CRISPLD1: variants seen among roughly 807,000 people sequenced by gnomAD.
The protein encoded by CRISPLD1 is cysteine-rich secretory protein LCCL domain-containing 1.
A neutral mutation model predicts 77.5 loss-of-function variants in CRISPLD1; 60 were observed. That is an observed-to-expected ratio of 0.77 (90% CI 0.63 to 0.96). The LOEUF (loss-of-function observed/expected upper bound fraction) is 0.96, where lower values mean the gene tolerates loss of function less well. Ranked by LOEUF, CRISPLD1 falls within the 40% of genes least tolerant of loss-of-function variation. The probability of loss-of-function intolerance (pLI) is 0.00; values close to 1 mark genes in which losing one functional copy is unlikely to be tolerated. For synonymous variants in CRISPLD1, 195 were observed against 200.1 expected, an observed-to-expected ratio of 0.97 and a Z score of 0.22; for missense variants, 623 against 615.8, an observed-to-expected ratio of 1.01 and a Z score of -0.12.
intron 10 of CRISPLD1, among the ~76,000 whole-genome samples, chr8:75,018,414 C>T (rs116844216): frequency 0.013 from 2,025 of 152,206 alleles, 19 homozygotes; most frequent in Middle Eastern, 0.027. Flanking sequence ...GCTTCAGTCT[C>T]CCAAGTAGCT....
At chr8:75,011,961 G>A (rs889451616) in intron 2 of CRISPLD1, among the ~76,000 whole-genome samples, 1 of 152,094 alleles carries the variant, frequency 6.6e-6, no homozygotes, top group Non-Finnish European at 1.5e-5. Context: ...GAATTGATAC[G>A]ATGTCACAGA....
intron 2 of CRISPLD1, chr8:75,000,334 T>C: frequency 1.0e-6 from 1 of 985,328 alleles, no homozygotes; most frequent in South Asian, 4.7e-5. Context: ...TGAAGGAAGA[T>C]GGAATAAGAA....
At chr8:75,016,473 G>GT (rs2019533642) in intron 6 of CRISPLD1, 92 bp from the exon 7 acceptor site, 5 of 1,250,616 alleles carry the variant, frequency 4.0e-6, no homozygotes, top group Middle Eastern at 2.3e-4. Context: ...AGTTCTAAAT[G>GT]TTAAATAGGA....
At position 75,016,709 on chromosome 8, in the gene CRISPLD1, A is replaced by G. The variant is rs779145032; in HGVS notation, c.868+4A>G. On this transcript the variant is annotated splice_donor_region_variant and intron_variant, in intron 7 of 14. Coordinates refer to ENST00000262207, the MANE Select transcript of CRISPLD1 (RefSeq NM_031461.6). ...GTCATAAGCGCACAGCAAATGTGTA[A>G]GACCTCCATATTACTTATAAAAATT... 57 of 1,609,484 alleles carry G rather than the reference A, an allele frequency of 3.5e-5. No individual in the cohort carries two copies. The highest frequency in any genetic ancestry group is 4.4e-5 in the Non-Finnish European group (52 of 1,178,030).
intron 14 of CRISPLD1, among the ~76,000 whole-genome samples, chr8:75,030,744 G>C (rs1192739525): frequency 7.4e-6 from 1 of 134,230 alleles, no homozygotes; most frequent in East Asian, 2.0e-4. Context: ...ATATGTATGA[G>C]TGTGTGTATA....
intron 14 of CRISPLD1, 94 bp downstream of exon 14, chr8:75,029,611 T>G (rs1328105707): frequency 7.4e-7 from 1 of 1,357,166 alleles, no homozygotes; most frequent in Non-Finnish European, 1.0e-6. Flanking sequence ...TATTTTTAAT[T>G]TTTTTCAAAG....
intron 2 of CRISPLD1, among the ~76,000 whole-genome samples, chr8:74,986,804 A>T (rs1483289619): frequency 6.6e-6 from 1 of 152,186 alleles, no homozygotes; most frequent in Non-Finnish European, 1.5e-5. Context: ...GAAGCATGAA[A>T]ATAAGCCTTG....
intron 2 of CRISPLD1, among the ~76,000 whole-genome samples, chr8:75,010,766 A>G (rs1218732714): frequency 6.6e-6 from 1 of 151,590 alleles, no homozygotes; most frequent in African/African-American, 2.4e-5. Context: ...TTCCTTTTAG[A>G]TTTTGATAAC....
chr8:74,992,657 G>A (rs1300452945), intron 2 of CRISPLD1, among the ~76,000 whole-genome samples: 1 of 152,144 alleles, frequency 6.6e-6, no homozygotes, highest in Non-Finnish European at 1.5e-5. Flanking sequence ...CTGGGGGGTT[G>A]ATTGCTATGC....
intron 2 of CRISPLD1, among the ~76,000 whole-genome samples, chr8:75,007,887 C>A (rs1228063282): frequency 6.6e-6 from 1 of 151,820 alleles, no homozygotes; most frequent in Non-Finnish European, 1.5e-5. Flanking sequence ...ACATATTGCC[C>A]AGGCTGGTCT....
chr8:75,011,608 A>G (rs1361830352), intron 2 of CRISPLD1, among the ~76,000 whole-genome samples: 1 of 152,154 alleles, frequency 6.6e-6, no homozygotes, highest in African/African-American at 2.4e-5. Context: ...TATTTCAGTA[A>G]TCATTTCACT....
chr8:75,016,540 T>C (rs1422599717), intron 6 of CRISPLD1, 25 bp from the exon 7 acceptor site: 3 of 1,592,520 alleles, frequency 1.9e-6, no homozygotes, highest in Non-Finnish European at 2.6e-6. Flanking sequence ...GGGTTAATAT[T>C]TCCTAAATCT....
At chr8:75,010,338 G>T (rs978491308) in intron 2 of CRISPLD1, among the ~76,000 whole-genome samples, 1 of 152,002 alleles carries the variant, frequency 6.6e-6, no homozygotes, top group South Asian at 2.1e-4. Flanking sequence ...TGTCCCTAGG[G>T]TGTTTTCCTT....
In CRISPLD1 at chr8:75,025,617, C is replaced by G; in HGVS notation, c.1316C>G (p.Ser439Cys). Residue 439 changes from serine to cysteine, a missense_variant, in exon 13 of 15, where the codon TCT (serine) becomes TGT (cysteine). Physicochemically the swap from Ser to Cys is moderately radical, Grantham distance 112. Transcript: ENST00000262207. ...YARVIGTRVY[S>C]DLSSICRAAV... ...CGTGTAATTGGAACTCGAGTTTATT[C>G]TGATGTAAGTATCCTAATTTATACA... 6.5e-7 allele frequency: 1 copy of G among 1,542,520 alleles called. No individual in the cohort carries two copies. Among genetic ancestry groups the G allele is most frequent in the Non-Finnish European group, 8.9e-7 (1 of 1,117,794 alleles).
chr8:75,006,218 T>C (rs187426690), intron 2 of CRISPLD1, among the ~76,000 whole-genome samples: 96 of 152,302 alleles, frequency 6.3e-4, no homozygotes, highest in Non-Finnish European at 9.8e-4. Context: ...TAAAAGTCCA[T>C]ATTGTGAATT....
At chr8:74,985,267 T>C (rs1291203672) in intron 1 of CRISPLD1, among the ~76,000 whole-genome samples, 2 of 152,276 alleles carry the variant, frequency 1.3e-5, no homozygotes, top group South Asian at 2.1e-4. Context: ...TCACAGACTT[T>C]CCAGGAAATA....
Position 75,023,075 on chromosome 8 carries a change from A to T in CRISPLD1, c.1245-2471A>T, listed in dbSNP as rs1241446875. Among the ~76,000 whole-genome samples the T allele has an allele frequency of 8.9e-4, 49 of 55,250 alleles. No homozygotes were observed. The African/African-American group carries it at 0.012, about 14-fold the overall frequency. 36.2% of individuals were successfully genotyped at this position (55,250 alleles called of 152,430 possible). The stretch of plus-strand genomic sequence containing the variant: ...AAAGTTTACCGGCAAATTGTAGGTA[A>T]AAAAAAAAAAAAAAAAAAAGTTTAC... On this transcript the variant is annotated intron_variant, in intron 12 of 14. Transcript: ENST00000262207.
intron 12 of CRISPLD1, among the ~76,000 whole-genome samples, chr8:75,023,981 A>C (rs1263479026): frequency 6.6e-6 from 1 of 152,202 alleles, no homozygotes; most frequent in Non-Finnish European, 1.5e-5. Flanking sequence ...ACAACAAAAA[A>C]AGTGTTTGGA....
At chr8:75,008,891 A>G (rs776595430) in intron 2 of CRISPLD1, among the ~76,000 whole-genome samples, 15 of 152,192 alleles carry the variant, frequency 9.9e-5, no homozygotes, top group Non-Finnish European at 2.1e-4. Context: ...TTTGAATAAT[A>G]TGTTTTACGT....
Sources: allele counts gnomAD v4.1 joint callset (sites outside exome capture counted in the v4.1 genomes callset), GRCh38; gene constraint gnomAD v4.1.1; transcripts MANE v1.5; gene names NCBI Gene and HGNC (gene_info 2026-07-23, HGNC 2026-07-21).